The following GRM7 variants were observed in gnomAD, a reference collection of about 807,000 sequenced individuals.
The protein encoded by GRM7 is metabotropic glutamate receptor 7.
A neutral mutation model predicts 84.5 loss-of-function variants in GRM7; 35 were observed. That is an observed-to-expected ratio of 0.41 (90% CI 0.32 to 0.55). The LOEUF is 0.55. Among genes scored for constraint, GRM7 ranks in the 20% least tolerant of loss-of-function variants. The pLI, the probability that GRM7 is intolerant of heterozygous loss-of-function variation, is 0.19. For missense variants in GRM7, 1,003 were observed against 1,194.6 expected (o/e 0.84, Z 2.36); for synonymous variants, 487 against 455.1 (o/e 1.07, Z -0.89).
chr3:7,718,025 A>G (rs779327430), intron 9 of GRM7, among the ~76,000 whole-genome samples: 40 of 151,210 alleles, frequency 2.6e-4, no homozygotes, highest in Middle Eastern at 3.4e-3. Context: ...TATTAAAAGA[A>G]GAGGTTTGCA....
At chr3:7,619,164 G>C (rs555064388) in intron 8 of GRM7, among the ~76,000 whole-genome samples, 2 of 152,194 alleles carry the variant, frequency 1.3e-5, no homozygotes, top group South Asian at 4.1e-4. Flanking sequence ...ACGAAATGCT[G>C]TAGTCCTTAA....
chr3:7,366,697 TAAAAG>T (rs1412748668), intron 4 of GRM7, among the ~76,000 whole-genome samples: 9 of 151,834 alleles, frequency 5.9e-5, no homozygotes, highest in African/African-American at 2.2e-4. Flanking sequence ...CTCACTATAT[TAAAAG>T]AAAGAAGAGA....
At chr3:6,872,798 C>A (rs1695170034) in intron 1 of GRM7, among the ~76,000 whole-genome samples, 1 of 152,140 alleles carries the variant, frequency 6.6e-6, no homozygotes, top group Non-Finnish European at 1.5e-5. Context: ...TGAACGCATC[C>A]ATTTTTATGG....
intron 9 of GRM7, among the ~76,000 whole-genome samples, chr3:7,739,254 C>T (rs891137236): frequency 6.6e-6 from 1 of 152,136 alleles, no homozygotes; most frequent in Non-Finnish European, 1.5e-5. Context: ...TAACGTACTA[C>T]TTGTATTATT....
intron 7 of GRM7, among the ~76,000 whole-genome samples, chr3:7,572,683 A>T (rs1694732462): frequency 6.7e-6 from 1 of 150,220 alleles, no homozygotes; most frequent in Admixed American, 6.7e-5. Flanking sequence ...TTAGCCAGGC[A>T]TGGGGGCGGG....
At chr3:7,603,919 A>G (rs1023196165) in intron 8 of GRM7, among the ~76,000 whole-genome samples, 8 of 152,238 alleles carry the variant, frequency 5.3e-5, no homozygotes, top group Admixed American at 3.9e-4. Flanking sequence ...GAACGCTGAA[A>G]TGGATGTGTA....
intron 7 of GRM7, among the ~76,000 whole-genome samples, chr3:7,504,901 A>T (rs1259374047): frequency 2.0e-5 from 3 of 152,174 alleles, no homozygotes; most frequent in Non-Finnish European, 1.5e-5. Context: ...TTCCAGTATC[A>T]ACTCAAAGTC....
At chr3:7,329,037 C>T (rs374388179) in intron 4 of GRM7, among the ~76,000 whole-genome samples, 2 of 151,992 alleles carry the variant, frequency 1.3e-5, no homozygotes, top group Non-Finnish European at 2.9e-5. Flanking sequence ...TCTCAGCCCC[C>T]ACCCCCACCA....
At chr3:7,645,176 C>T (rs1390312284) in intron 8 of GRM7, among the ~76,000 whole-genome samples, 1 of 152,092 alleles carries the variant, frequency 6.6e-6, no homozygotes, top group Admixed American at 6.5e-5. Flanking sequence ...AATTACTTCC[C>T]TATACCTCAC....
At chr3:7,435,982 G>A (rs891886208) in intron 5 of GRM7, among the ~76,000 whole-genome samples, 5 of 151,008 alleles carry the variant, frequency 3.3e-5, no homozygotes, top group Admixed American at 6.6e-5. Context: ...GATTACAGGC[G>A]TGAGCCACCA....
intron 7 of GRM7, among the ~76,000 whole-genome samples, chr3:7,467,080 G>A (rs1055288237): frequency 1.3e-5 from 2 of 152,016 alleles, no homozygotes; most frequent in African/African-American, 4.8e-5. Flanking sequence ...TCTGAGAAGG[G>A]CACACAAGTT....
Position 7,452,772 on chromosome 3 carries a change from A to C in GRM7, c.1340A>C (p.Lys447Thr), listed in dbSNP as rs537011473. The C allele has an allele frequency of 6.2e-7, 1 of 1,612,986 alleles. No homozygotes were observed. Among genetic ancestry groups the C allele is most frequent in the Non-Finnish European group, 8.5e-7 (1 of 1,179,312 alleles). ...GAGATGGAGCAAGCTGGAGGCAAGA[A>C]GTTGCTGAAGTATATACGCAATGTT... Reference protein sequence around the residue: ...CPEMEQAGGKKLLKYIRNVNF... With the variant: ...CPEMEQAGGKTLLKYIRNVNF... Residue 447 changes from lysine to threonine, a missense_variant, in exon 6 of 10, where the codon AAG becomes ACG. This residue lies in a region of GRM7 where 910 missense variants were observed against 1,126.0 expected (regional missense o/e 0.81). Coordinates refer to ENST00000357716, the MANE Select transcript of GRM7 (RefSeq NM_000844.4).
At chr3:7,474,917 T>A (rs1698860832) in intron 7 of GRM7, among the ~76,000 whole-genome samples, 1 of 152,192 alleles carries the variant, frequency 6.6e-6, no homozygotes, top group African/African-American at 2.4e-5. Context: ...TACTTAGGAA[T>A]GATTTTGTAA....
intron 5 of GRM7, among the ~76,000 whole-genome samples, chr3:7,444,616 T>C (rs922156322): frequency 2.0e-5 from 3 of 152,212 alleles, no homozygotes; most frequent in Non-Finnish European, 4.4e-5. Context: ...TTCACATGTT[T>C]GGAGTGTGTA....
chr3:6,883,200 G>A (rs945676812), intron 1 of GRM7, among the ~76,000 whole-genome samples: 5 of 151,984 alleles, frequency 3.3e-5, no homozygotes, highest in Non-Finnish European at 5.9e-5. Flanking sequence ...TTGACTGTTT[G>A]TATTTCTTCT....
chr3:7,565,507 AG>A (rs1694218104), intron 7 of GRM7, among the ~76,000 whole-genome samples: 1 of 152,224 alleles, frequency 6.6e-6, no homozygotes, highest in Admixed American at 6.5e-5. Flanking sequence ...AACTTAGGTA[AG>A]CCTAAAGGTT....
chr3:7,419,239 TTATGC>T (rs1304287585), intron 5 of GRM7, among the ~76,000 whole-genome samples: 2 of 152,192 alleles, frequency 1.3e-5, no homozygotes, highest in African/African-American at 4.8e-5. Flanking sequence ...TCATGCAATG[TTATGC>T]TATGAGTGAA....
chr3:7,535,242 C>A (rs1003427625), intron 7 of GRM7: 2 of 151,354 alleles, frequency 1.3e-5, no homozygotes, highest in Non-Finnish European at 2.9e-5. Flanking sequence ...ACTTACAGGA[C>A]CCACCTGACA....
At chr3:7,716,741 A>C (rs546592870) in intron 9 of GRM7, among the ~76,000 whole-genome samples, 2 of 152,304 alleles carry the variant, frequency 1.3e-5, no homozygotes, top group South Asian at 4.2e-4. Flanking sequence ...TTTGGGCTGT[A>C]TTTACAGGAC....
Sources: gnomAD v4.1 joint callset for allele counts (sites outside exome capture counted in the v4.1 genomes callset) on GRCh38, gnomAD v4.1.1 for gene constraint, gnomAD v4.1.1 regional missense constraint, MANE v1.5 for transcripts, NCBI Gene and HGNC (gene_info 2026-07-23, HGNC 2026-07-21) for gene names.